The following TIAM1 variants were observed in gnomAD, a reference collection of about 807,000 sequenced individuals.
TIAM1 encodes rho guanine nucleotide exchange factor TIAM1.
Under a neutral mutation model 163.5 loss-of-function variants are expected in TIAM1, and 65 were observed. The ratio of observed to expected loss-of-function variants is 0.40; its 90% CI spans 0.33 to 0.49. TIAM1 has a LOEUF of 0.49. Among genes scored for constraint, TIAM1 ranks in the 20% least tolerant of loss-of-function variants. The pLI is 0.77. For missense variants in TIAM1, 1,789 were observed against 2,044.7 expected, an observed-to-expected ratio of 0.87 and a Z score of 2.41; for synonymous variants, 833 against 810.1, an observed-to-expected ratio of 1.03 and a Z score of -0.48.
intron 1 of TIAM1, among the ~76,000 whole-genome samples, chr21:31,341,293 C>A (rs1458183346): frequency 1.3e-5 from 2 of 152,160 alleles, no homozygotes; most frequent in East Asian, 3.8e-4. Flanking sequence ...AGAGGTTAGG[C>A]AATTTTCCTG....
At chr21:31,165,747 GAATT>G (rs1433140788) in intron 15 of TIAM1, among the ~76,000 whole-genome samples, 11 of 151,988 alleles carry the variant, frequency 7.2e-5, no homozygotes, top group African/African-American at 2.2e-4. Context: ...GCAAATTGAT[GAATT>G]AATTCATTAA....
At chr21:31,498,532 G>A (rs1322726251) in intron 1 of TIAM1, among the ~76,000 whole-genome samples, 1 of 152,216 alleles carries the variant, frequency 6.6e-6, no homozygotes, top group African/African-American at 2.4e-5. Flanking sequence ...CTTTGGGGAA[G>A]GATTTGATTG....
intron 6 of TIAM1, among the ~76,000 whole-genome samples, chr21:31,238,602 G>A (rs976930478): frequency 2.0e-5 from 3 of 152,090 alleles, no homozygotes; most frequent in Non-Finnish European, 2.9e-5. Context: ...ATTTTTAAGG[G>A]AACCTTTCTG....
At chr21:31,148,167 G>A (rs1381974942) in intron 19 of TIAM1, among the ~76,000 whole-genome samples, 1 of 151,998 alleles carries the variant, frequency 6.6e-6, no homozygotes, top group African/African-American at 2.4e-5. Flanking sequence ...AGTACCCTGG[G>A]TACTGCCATC....
intron 6 of TIAM1, among the ~76,000 whole-genome samples, chr21:31,235,871 T>C (rs2088724834): frequency 6.6e-6 from 1 of 152,232 alleles, no homozygotes; most frequent in Non-Finnish European, 1.5e-5. Context: ...GCATAAAATC[T>C]AGCTGATTTC....
intron 1 of TIAM1, among the ~76,000 whole-genome samples, chr21:31,536,785 A>T (rs781770525): frequency 6.6e-6 from 1 of 152,162 alleles, no homozygotes; most frequent in Non-Finnish European, 1.5e-5. Context: ...CAACACTCAG[A>T]CACATACTAG....
chr21:31,165,908 G>A (rs947526759), intron 15 of TIAM1, among the ~76,000 whole-genome samples: 3 of 152,168 alleles, frequency 2.0e-5, no homozygotes, highest in African/African-American at 7.2e-5. Flanking sequence ...CTCTTCCCAT[G>A]ATATTCTGTG....
In TIAM1 at chr21:31,124,510, T is replaced by A; in HGVS notation, c.4306+12A>T. On this transcript the variant is annotated intron_variant, in intron 27 of 27. Transcript: ENST00000541036. ...GTGACGGGAATCTTGAACGTCCGAA[T>A]CCCCACAGTACCTGCCCTGCTCATG... is the stretch of plus-strand genomic sequence containing the variant. 1 of 1,611,794 alleles carries A rather than the reference T, an allele frequency of 6.2e-7. No individual in the cohort carries two copies. Among genetic ancestry groups the A allele is most frequent in the Non-Finnish European group, 8.5e-7 (1 of 1,179,610 alleles).
chr21:31,188,774 A>T (rs1265794650), intron 13 of TIAM1, among the ~76,000 whole-genome samples: 1 of 151,972 alleles, frequency 6.6e-6, no homozygotes, highest in Non-Finnish European at 1.5e-5. Context: ...GGGTCTTACT[A>T]TGTTGCCCAG....
intron 2 of TIAM1, among the ~76,000 whole-genome samples, chr21:31,430,099 C>G (rs1035715144): frequency 6.6e-6 from 1 of 151,038 alleles, no homozygotes; most frequent in Non-Finnish European, 1.5e-5. Context: ...CCGGCTACTC[C>G]GGAGGCTGAG....
chr21:31,192,204 C>T (rs1417590328), intron 13 of TIAM1, among the ~76,000 whole-genome samples: 1 of 152,184 alleles, frequency 6.6e-6, no homozygotes. Context: ...CTTCATTAGG[C>T]CCAAATCCTC....
chr21:31,226,518 G>A (rs553614376), intron 6 of TIAM1, among the ~76,000 whole-genome samples: 3 of 152,182 alleles, frequency 2.0e-5, no homozygotes, highest in South Asian at 2.1e-4. Flanking sequence ...AATTGCAGCC[G>A]CCCAACAACA....
intron 1 of TIAM1, among the ~76,000 whole-genome samples, chr21:31,473,429 C>CAAAAAAAAAAAAAAAAAAAAAAAA (rs56691495): frequency 1.3e-5 from 1 of 75,682 alleles, no homozygotes; most frequent in Non-Finnish European, 2.7e-5. Flanking sequence ...GACTCCATCT[C>CAAAAAAAAAAAAAAAAAAAAAAAA]AAAAAAAAAA....
chr21:31,323,160 C>A (rs188373311), intron 2 of TIAM1, among the ~76,000 whole-genome samples: 1 of 151,798 alleles, frequency 6.6e-6, no homozygotes, highest in South Asian at 2.1e-4. Flanking sequence ...TGGTGGTGCC[C>A]GCCTGTAGTC....
At chr21:31,322,406 G>A (rs1019961239) in intron 2 of TIAM1, among the ~76,000 whole-genome samples, 4 of 141,874 alleles carry the variant, frequency 2.8e-5, no homozygotes, top group Admixed American at 1.5e-4. Flanking sequence ...TCTAAGTCAT[G>A]ACACACGTAA....
chr21:31,354,901 A>C (rs2076290660), intron 2 of TIAM1, among the ~76,000 whole-genome samples: 1 of 152,150 alleles, frequency 6.6e-6, no homozygotes. Context: ...CGCCAAGATA[A>C]GTCATCTCTG....
intron 2 of TIAM1, among the ~76,000 whole-genome samples, chr21:31,285,985 A>G (rs185526586): frequency 3.0e-4 from 45 of 152,368 alleles, no homozygotes; most frequent in African/African-American, 1.1e-3. Flanking sequence ...ATCTAGAAAT[A>G]TTAAGTATGT....
At chr21:31,139,614 A>AT (rs1206546510) in intron 22 of TIAM1, among the ~76,000 whole-genome samples, 2 of 151,954 alleles carry the variant, frequency 1.3e-5, no homozygotes, top group Non-Finnish European at 2.9e-5. Flanking sequence ...AATAAGCATA[A>AT]TTTTTTTCTT....
At chr21:31,166,351 C>A (rs2084215341) in intron 15 of TIAM1, among the ~76,000 whole-genome samples, 1 of 152,130 alleles carries the variant, frequency 6.6e-6, no homozygotes, top group Non-Finnish European at 1.5e-5. Flanking sequence ...GCAGAAGGAG[C>A]CCCTGATGCT....
Sources: gnomAD v4.1 joint callset for allele counts (sites outside exome capture counted in the v4.1 genomes callset) on GRCh38, gnomAD v4.1.1 for gene constraint, MANE v1.5 for transcripts, NCBI Gene and HGNC (gene_info 2026-07-23, HGNC 2026-07-21) for gene names.